Variants in DOT1L observed in about 807,000 individuals in gnomAD.
DOT1L encodes the protein DOT1 like histone lysine methyltransferase, also known as histone-lysine N-methyltransferase, H3 lysine-79 specific.
DOT1L carries 33 observed loss-of-function variants against 153.3 expected under a neutral mutation model. The observed-to-expected ratio is 0.22, with a 90% CI of 0.16 to 0.29. The LOEUF is 0.29. DOT1L is among the 10% of genes least tolerant of loss of function. DOT1L has a pLI of 1.00. For synonymous variants in DOT1L, 1,135 were observed against 965.1 expected, an observed-to-expected ratio of 1.18 and a Z score of -3.26; for missense variants, 1,847 against 2,119.9, an observed-to-expected ratio of 0.87 and a Z score of 2.53.
chr19:2,211,425 G>A lies in DOT1L; in HGVS notation c.1465+213G>A, dbSNP rs192220620. Among the ~76,000 whole-genome samples the A allele has an allele frequency of 2.0e-4, 30 of 152,352 alleles. No individual in the cohort carries two copies. The East Asian group carries it at 5.6e-3, about 28-fold the overall frequency. On this transcript the variant is annotated intron_variant, in intron 15 of 27. Transcript: ENST00000398665. The stretch of plus-strand genomic sequence containing the variant: ...TCTGAGGTCTTACCCAGGAGATGCT[G>A]GGTGACACTTGGGACGTCTGCAGTT...
rs779791945 is a variant in DOT1L at position 2,210,864 on chromosome 19, C to T, written c.1351+9C>T. 1.0e-4 allele frequency: 164 copies of T among 1,610,886 alleles called. No individual in the cohort carries two copies. Among genetic ancestry groups the T allele is most frequent in the Non-Finnish European group, 9.2e-5 (109 of 1,179,034 alleles). Reference sequence around the variant, plus strand: ...GGCCTCCTCACCCCAGGGTGAGCCGCCCCCACGCCACGGCCCCCGCTCTCC... The same window carrying T: ...GGCCTCCTCACCCCAGGGTGAGCCGTCCCCACGCCACGGCCCCCGCTCTCC... On this transcript the variant is annotated intron_variant, in intron 14 of 27. Coordinates refer to ENST00000398665, the MANE Select transcript of DOT1L (RefSeq NM_032482.3).
chr19:2,164,255 T>C lies in DOT1L; in HGVS notation c.71T>C (p.Leu24Pro). The C allele has an allele frequency of 7.8e-7, 1 of 1,276,946 alleles. No homozygotes were observed. Among genetic ancestry groups the C allele is most frequent in the Middle Eastern group, 2.5e-4 (1 of 4,010 alleles). 79.1% of individuals were successfully genotyped at this position (1,276,946 alleles called of 1,614,324 possible). A position where few individuals can be genotyped will look rare whatever the true frequency, so the allele number is the denominator to read the frequency against. Residue 24 changes from leucine (L) to proline (P), a missense_variant, in exon 1 of 28, where the codon CTG (leucine) becomes CCG (proline). By Grantham distance (98) the Leu-to-Pro change is moderately conservative (BLOSUM62 -3). Transcript: ENST00000398665. The stretch of plus-strand genomic sequence containing the variant: ...GAGCCCGCCGTCTACCCGTGGCCGC[T>C]GCCGGTCTACGTGAGTGCCGCCCTC... ...GAEPAVYPWP[L>P]PVYDKHHDAA... is the part of the protein sequence containing the mutation.
At chr19:2,164,384 G>C in intron 1 of DOT1L, 119 bp downstream of exon 1, 1 of 607,846 alleles carries the variant, frequency 1.6e-6, no homozygotes, top group Non-Finnish European at 2.3e-6. Flanking sequence ...GGAGACCCTG[G>C]ACTCCACTGT....
intron 22 of DOT1L, among the ~76,000 whole-genome samples, chr19:2,219,583 G>T (rs796174375): frequency 6.6e-6 from 1 of 152,212 alleles, no homozygotes; most frequent in Admixed American, 6.5e-5. Context: ...TGGGGTCCAG[G>T]TTTCTGTGTG....
At chr19:2,216,164 A>C in intron 19 of DOT1L, 117 bp from the exon 20 acceptor site, 1 of 1,432,874 alleles carries the variant, frequency 7.0e-7, no homozygotes, top group Non-Finnish European at 9.3e-7. Context: ...TGGTTTTTCC[A>C]TCCCACACAA....
intron 1 of DOT1L, among the ~76,000 whole-genome samples, chr19:2,169,247 T>A (rs2020039164): frequency 6.6e-6 from 1 of 152,170 alleles, no homozygotes; most frequent in Non-Finnish European, 1.5e-5. Flanking sequence ...TTTCTGCTGC[T>A]GACCTCTGAG....
chr19:2,174,980 GTGTGTGTGTGTGTGTA>G (rs1431446356), intron 1 of DOT1L, among the ~76,000 whole-genome samples: 21 of 109,424 alleles, frequency 1.9e-4, no homozygotes, highest in African/African-American at 6.5e-4. Context: ...GTGTGTGTGT[GTGTGTGTGTGTGTGTA>G]TATATATATT....
At chr19:2,228,882 T>G (rs1162940284) in intron 27 of DOT1L, 5 of 985,274 alleles carry the variant, frequency 5.1e-6, no homozygotes, top group African/African-American at 1.7e-5. Context: ...CGGGGCTGTC[T>G]GGCCAGTAGC....
chr19:2,174,431 A>G lies in DOT1L; in HGVS notation c.82-6282A>G, dbSNP rs185859505. On this transcript the variant is annotated intron_variant, in intron 1 of 27. Coordinates refer to ENST00000398665, the MANE Select transcript of DOT1L (RefSeq NM_032482.3). The stretch of plus-strand genomic sequence containing the variant: ...GTTGGGCACAGTGGCTCACATCTGT[A>G]ATCCCAGGACTTGGGGAGGCCGAGG... Among the ~76,000 whole-genome samples the G allele has an allele frequency of 4.6e-5, 7 of 152,176 alleles. No homozygotes were observed. In the East Asian group the frequency reaches 1.3e-3, roughly 29 times the overall value.
Position 2,191,677 on chromosome 19 carries a change from G to A in DOT1L, c.493+437G>A, listed in dbSNP as rs554703670. The stretch of plus-strand genomic sequence containing the variant: ...TCCACAGCGGCTGGAAAGGTCCCCC[G>A]CGGAGGAAGACCCCAGGTCCCTGGG... On this transcript the variant is annotated intron_variant, in intron 5 of 27. Transcript: ENST00000398665. The surrounding 1 kb of genome is among the most constrained non-coding windows in gnomAD (Gnocchi z 6.8). Among the ~76,000 whole-genome samples, 7 of 152,214 alleles carry A rather than the reference G, an allele frequency of 4.6e-5. No individual in the cohort carries two copies. The highest frequency in any genetic ancestry group is 4.1e-4 in the South Asian group (2 of 4,820).
At chr19:2,213,779 G>C in intron 17 of DOT1L, 70 bp from the exon 18 acceptor site, 13 of 1,606,772 alleles carry the variant, frequency 8.1e-6, no homozygotes, top group Non-Finnish European at 1.1e-5. Flanking sequence ...CTGCAGGGGT[G>C]GTCATGCCTG....
intron 1 of DOT1L, among the ~76,000 whole-genome samples, chr19:2,176,944 C>A (rs1409486606): frequency 6.6e-6 from 1 of 152,220 alleles, no homozygotes; most frequent in Admixed American, 6.5e-5. Context: ...AGGGGTCTCA[C>A]AGAAGCAGGA....
chr19:2,189,858 C>G, intron 4 of DOT1L, 63 bp downstream of exon 4: 1 of 1,567,146 alleles, frequency 6.4e-7, no homozygotes, highest in Non-Finnish European at 8.7e-7. Flanking sequence ...CCCTCCAGAC[C>G]CCTTATGTCA....
In DOT1L at chr19:2,207,391, G is replaced by A. The variant is rs1010829342; in HGVS notation, c.857-183G>A. ...AGGTTGGAGGGGCCCAGGCCAGGTG[G>A]TGTTGAATGGTGCACCTCCCTGGGC... On this transcript the variant is annotated intron_variant, in intron 10 of 27. Coordinates refer to ENST00000398665, the MANE Select transcript of DOT1L (RefSeq NM_032482.3). The surrounding 1 kb of genome is among the most constrained non-coding windows in gnomAD (Gnocchi z 4.5). Among the ~76,000 whole-genome samples the A allele has an allele frequency of 3.9e-5, 6 of 152,194 alleles. No individual in the cohort carries two copies. Among genetic ancestry groups the A allele is most frequent in the Non-Finnish European group, 7.4e-5 (5 of 68,016 alleles).
intron 1 of DOT1L, among the ~76,000 whole-genome samples, chr19:2,166,686 C>T (rs2019936195): frequency 6.6e-6 from 1 of 152,252 alleles, no homozygotes; most frequent in Admixed American, 6.5e-5. Flanking sequence ...GCCGGGATTA[C>T]AGGGGTGAGC....
intron 27 of DOT1L, chr19:2,227,837 G>A (rs1054673685): frequency 3.9e-6 from 5 of 1,290,206 alleles, no homozygotes; most frequent in South Asian, 1.2e-5. Flanking sequence ...GCCCGAGCCC[G>A]CTGCAGGCGG....
intron 25 of DOT1L, among the ~76,000 whole-genome samples, chr19:2,224,751 C>T (rs2024261922): frequency 1.3e-5 from 2 of 152,188 alleles, no homozygotes; most frequent in Admixed American, 1.3e-4. Flanking sequence ...ACAGCCGGCC[C>T]TAAGTGTGCT....
At chr19:2,201,681 G>A (rs529178760) in intron 8 of DOT1L, among the ~76,000 whole-genome samples, 12 of 152,346 alleles carry the variant, frequency 7.9e-5, no homozygotes, top group African/African-American at 2.2e-4. Flanking sequence ...AGGGGGACCC[G>A]CAGTGGTCAG....
chr19:2,222,286 T>A lies in DOT1L; in HGVS notation c.3117T>A (p.Ser1039Arg), dbSNP rs1191597503. 2 of 1,612,804 alleles carry A rather than the reference T, an allele frequency of 1.2e-6. No homozygotes were observed. The highest frequency in any genetic ancestry group is 1.7e-6 in the Non-Finnish European group (2 of 1,179,842). The change falls in exon 24 of 28, where the codon AGT becomes AGA. Residue 1039 changes from serine to arginine, a missense_variant. Physicochemically the swap from Ser to Arg is moderately radical, Grantham distance 110. Transcript: ENST00000398665. This position sits in a 1 kb window ranked among gnomAD's most constrained non-coding sequence, Gnocchi z 6.5. ...ATTCCGGCTTCTCAGATCCTGAGAGTGAAGCCAAGAGGAGGATTGTGTTCA... is the reference window on the plus strand; with the variant it reads ...ATTCCGGCTTCTCAGATCCTGAGAGAGAAGCCAAGAGGAGGATTGTGTTCA... Reference protein sequence around the residue: ...PSDSGFSDPESEAKRRIVFTI... With the variant: ...PSDSGFSDPEREAKRRIVFTI...
Sources: gnomAD v4.1 joint callset for allele counts (sites outside exome capture counted in the v4.1 genomes callset) on GRCh38, gnomAD v4.1.1 for gene constraint, Gnocchi (gnomAD v3.1) non-coding constraint, MANE v1.5 for transcripts, NCBI Gene and HGNC (gene_info 2026-07-23, HGNC 2026-07-21) for gene names.